OPLAH: variants seen among roughly 807,000 people sequenced by gnomAD.
OPLAH encodes the protein 5-oxoprolinase, ATP-hydrolysing.
OPLAH carries 103 observed loss-of-function variants against 122.8 expected under a neutral mutation model. That is an observed-to-expected ratio of 0.84 (90% CI 0.71 to 0.99). The LOEUF (loss-of-function observed/expected upper bound fraction) is 0.99. Ranked by LOEUF, OPLAH falls within the 50% of genes least tolerant of loss-of-function variation. OPLAH has a pLI of 0.00. For synonymous variants in OPLAH, 875 were observed against 796.0 expected, an observed-to-expected ratio of 1.10 and a Z score of -1.67; for missense variants, 1,902 against 1,836.5, an observed-to-expected ratio of 1.04 and a Z score of -0.65.
chr8:144,051,496 GAGGCGGGCTCAGTGC>G, intron 26 of OPLAH, 24 bp from the exon 27 acceptor site: 1 of 1,250,484 alleles, frequency 8.0e-7, no homozygotes, highest in Non-Finnish European at 1.1e-6. Flanking sequence ...GGGGGGCGGG[GAGGCGGGCTCAGTGC>G]AGGCGTGGCC....
rs2129795725 is a variant in OPLAH, at chr8:144,056,137, T to C, written c.2096+10A>G. On this transcript the variant is annotated intron_variant, in intron 15 of 26. Transcript: ENST00000618853. The stretch of plus-strand genomic sequence containing the variant: ...TCCACATCCTCCACCCTGGCCGGAC[T>C]TCAGCCCACCTGTTACTGTCGATGA... The C allele has an allele frequency of 1.2e-6, 2 of 1,600,336 alleles. No homozygotes were observed. Among genetic ancestry groups the C allele is most frequent in the Non-Finnish European group, 1.7e-6 (2 of 1,169,858 alleles).
In OPLAH at chr8:144,052,497, G is replaced by A; in HGVS notation, c.3255C>T (p.Arg1085=). The A allele has an allele frequency of 1.9e-6, 3 of 1,569,050 alleles. No individual in the cohort carries two copies. The highest frequency in any genetic ancestry group is 1.7e-6 in the Non-Finnish European group (2 of 1,164,244). Reference sequence around the variant, plus strand: ...AGGCCCCCAGGATGACATCCACCACGCGCTGCGACGTGAGCACGTTGCCGC... The same window carrying A: ...AGGCCCCCAGGATGACATCCACCACACGCTGCGACGTGAGCACGTTGCCGC... ...VVGGNVLTSQ[R]VVDVILGAFG... is the part of the protein sequence containing the mutation. The change falls in exon 23 of 27, where the codon CGC becomes CGT. Residue 1085 remains arginine (R), a synonymous_variant. Transcript: ENST00000618853.
Position 144,052,587 on chromosome 8 carries a change from C to T in OPLAH, c.3165G>A (p.Ala1055=), listed in dbSNP as rs28428956. Residue 1055 remains alanine (A), a synonymous_variant, in exon 23 of 27, where the codon GCG becomes GCA. Transcript: ENST00000618853. The part of the protein sequence containing the change: ...RDIPLNQGCL[A]PVRVVIPRGS... ...CTCGGGGAATGACCACGCGCACTGG[C>T]GCCAGGCAGCCCTGTGCGGGGCGGG... The T allele has an allele frequency of 0.017, 27,670 of 1,595,526 alleles. 1,888 individuals carry two copies. In the African/African-American group the frequency reaches 0.21, roughly 12 times the overall value.
At chr8:144,063,671 C>G (rs568659661), upstream of OPLAH, 1 of 152,656 alleles carries the variant, frequency 6.6e-6, no homozygotes, top group Admixed American at 6.5e-5. This position sits in a 1 kb window ranked among gnomAD's most constrained non-coding sequence, Gnocchi z 4.2. Context: ...CCCAACTCCA[C>G]AGAGTCTTGG....
intron 21 of OPLAH, 25 bp downstream of exon 21, chr8:144,052,958 T>C (rs1554758080): frequency 2.5e-6 from 4 of 1,585,554 alleles, no homozygotes; most frequent in Non-Finnish European, 3.4e-6. Context: ...CCCTGCCGCC[T>C]AGAGGCACTC....
intron 19 of OPLAH, among the ~76,000 whole-genome samples, chr8:144,054,063 AG>A (rs1835452036): frequency 7.2e-6 from 1 of 138,246 alleles, no homozygotes; most frequent in South Asian, 2.3e-4. Flanking sequence ...CCCAGCCTCC[AG>A]GCCACTCTCA....
chr8:144,052,340 C>G lies in OPLAH; in HGVS notation c.3304-14G>C, dbSNP rs1835401986. 2 of 1,513,724 alleles carry G rather than the reference C, an allele frequency of 1.3e-6. No individual in the cohort carries two copies. Among genetic ancestry groups the G allele is most frequent in the South Asian group, 1.2e-5 (1 of 81,328 alleles). 93.8% of individuals were successfully genotyped at this position (1,513,724 alleles called of 1,614,324 possible). On this transcript the variant is annotated splice_polypyrimidine_tract_variant and intron_variant, in intron 23 of 26. Coordinates refer to ENST00000618853, the MANE Select transcript of OPLAH (RefSeq NM_017570.5). ...GTTCATGCAGCCCTGGTGAGGGCAC[C>G]TGGTCGCTGCGCTGGGCTGGGGCAG...
In OPLAH at chr8:144,051,492, C is replaced by T. The variant is rs28433482; in HGVS notation, c.3721-20G>A. 1.7e-5 allele frequency: 7 copies of T among 414,502 alleles called. No homozygotes were observed. The highest frequency in any genetic ancestry group is 9.1e-5 in the African/African-American group (2 of 22,014). The allele number at this position is 414,502 out of a possible 1,614,324, so 25.7% of individuals were successfully genotyped here. On this transcript the variant is annotated intron_variant, in intron 26 of 26. Coordinates refer to ENST00000618853, the MANE Select transcript of OPLAH (RefSeq NM_017570.5). ...CACATCCTGTTGGCGCGGGGGGGGGCGGGGAGGCGGGCTCAGTGCAGGCGT... is the reference window on the plus strand; with the variant it reads ...CACATCCTGTTGGCGCGGGGGGGGGTGGGGAGGCGGGCTCAGTGCAGGCGT...
At position 144,055,945 on chromosome 8, in the gene OPLAH, G is replaced by A; in HGVS notation, c.2097-6C>T. 3 of 1,572,056 alleles carry A rather than the reference G, an allele frequency of 1.9e-6. No individual in the cohort carries two copies. The highest frequency in any genetic ancestry group is 1.2e-5 in the South Asian group (1 of 85,990). ...CTGGCTCCACCAGGATGGTGCTGGG[G>A]AGCAGAGGGCACAGAGGGCTGCATG... On this transcript the variant is annotated splice_region_variant and splice_polypyrimidine_tract_variant and intron_variant, in intron 15 of 26. Transcript: ENST00000618853. This position sits in a 1 kb window ranked among gnomAD's most constrained non-coding sequence, Gnocchi z 6.5.
In OPLAH at chr8:144,055,023, G is replaced by A. The variant is rs1257255472; in HGVS notation, c.2409+6C>T. ...GGATGGAAGGGTGAGGCGGGGGAAG[G>A]GCCACCTGGAACTGCACCGTCTCCT... On this transcript the variant is annotated splice_donor_region_variant and intron_variant, in intron 17 of 26. Coordinates refer to ENST00000618853, the MANE Select transcript of OPLAH (RefSeq NM_017570.5). The surrounding 1 kb of genome is among the most constrained non-coding windows in gnomAD (Gnocchi z 6.5). 4.1e-6 allele frequency: 6 copies of A among 1,480,966 alleles called. No homozygotes were observed. Among genetic ancestry groups the A allele is most frequent in the Non-Finnish European group, 5.4e-6 (6 of 1,107,918 alleles). 91.7% of individuals were successfully genotyped at this position (1,480,966 alleles called of 1,614,324 possible). A position where few individuals can be genotyped will look rare whatever the true frequency, so the allele number is the denominator to read the frequency against.
rs782278822 is a variant in OPLAH at position 144,055,109 on chromosome 8, C to A, written c.2329G>T (p.Gly777Trp). 2.5e-6 allele frequency: 4 copies of A among 1,585,636 alleles called. No homozygotes were observed. Among genetic ancestry groups the A allele is most frequent in the Non-Finnish European group, 3.4e-6 (4 of 1,166,440 alleles). Residue 777 changes from glycine to tryptophan, a missense_variant, in exon 17 of 27, where the codon GGG becomes TGG. This residue lies in a region of OPLAH where 1,726 missense variants were observed against 1,642.1 expected (regional missense o/e 1.05). Transcript: ENST00000618853. This position sits in a 1 kb window ranked among gnomAD's most constrained non-coding sequence, Gnocchi z 6.5. Reference sequence around the variant, plus strand: ...TTGGACACCAGCCCCCCATCGGGCCCAAAGAGGGCACAGGAGAAGTCCAGA... The same window carrying A: ...TTGGACACCAGCCCCCCATCGGGCCAAAAGAGGGCACAGGAGAAGTCCAGA... ...ERLDFSCALFGPDGGLVSNAP... is the reference protein window; with the variant it reads ...ERLDFSCALFWPDGGLVSNAP...
chr8:144,052,691 C>A, intron 22 of OPLAH, 75 bp downstream of exon 22: 1 of 1,538,168 alleles, frequency 6.5e-7, no homozygotes, highest in Non-Finnish European at 8.8e-7. Context: ...GGGGTCAGAC[C>A]GTGGCTGGGC....
chr8:144,051,257 A>T (rs530936226), downstream of OPLAH: 4 of 1,595,926 alleles, frequency 2.5e-6, no homozygotes, highest in South Asian at 3.4e-5. Flanking sequence ...CACGACTCGG[A>T]GCACGAACTA....
Position 144,052,469 on chromosome 8 carries a change from CA to C in OPLAH, c.3282del (p.Phe1094LeufsTer11). The C allele has an allele frequency of 6.5e-7, 1 of 1,547,374 alleles. No homozygotes were observed. The highest frequency in any genetic ancestry group is 2.4e-5 in the East Asian group (1 of 41,658). ...CGCACCTGGGAGGCGGCGCAGGCCCCAAAGGCCCCCAGGATGACATCCACCA... is the reference window on the plus strand; with the variant it reads ...CGCACCTGGGAGGCGGCGCAGGCCCCAAGGCCCCCAGGATGACATCCACCA... The part of the protein sequence containing the change: ...QRVVDVILGA[F>X]GACAASQGCM... On this transcript the variant is annotated frameshift_variant, in exon 23 of 27. Coordinates refer to ENST00000618853, the MANE Select transcript of OPLAH (RefSeq NM_017570.5). LOFTEE classifies it high-confidence loss of function.
intron 19 of OPLAH, 95 bp downstream of exon 19, chr8:144,054,466 A>C (rs1287214985): frequency 7.5e-7 from 1 of 1,333,220 alleles, no homozygotes; most frequent in Non-Finnish European, 1.0e-6. Flanking sequence ...GCCTGGGCCT[A>C]TGGGCTGCAT....
In OPLAH at chr8:144,056,227, C is replaced by T; in HGVS notation, c.2016G>A (p.Gln672=). ...MTQCYFEGGY[Q]ETPVYLLAEL... ...CTGCCAGCAGGTACACAGGGGTCTCCTGGTAGCCCCCCTCAAAGTAGCACT... is the reference window on the plus strand; with the variant it reads ...CTGCCAGCAGGTACACAGGGGTCTCTTGGTAGCCCCCCTCAAAGTAGCACT... The change falls in exon 15 of 27, where the codon CAG becomes CAA. Residue 672 remains glutamine, a synonymous_variant. Coordinates refer to ENST00000618853, the MANE Select transcript of OPLAH (RefSeq NM_017570.5). The T allele has an allele frequency of 1.2e-6, 2 of 1,612,010 alleles. No homozygotes were observed. The highest frequency in any genetic ancestry group is 4.5e-5 in the East Asian group (2 of 44,842).
rs377531260 is a variant in OPLAH at position 144,059,649 on chromosome 8, G to A, written c.313C>T (p.Arg105Ter). The change falls in exon 3 of 27, where the codon CGA (arginine) becomes TGA (stop). Residue 105 changes from arginine (R) to a stop codon, truncating the protein, a stop_gained. Transcript: ENST00000618853. LOFTEE classifies it high-confidence loss of function. ...RVALLVTRGF[R>*]DLLHIGTQAR... is the part of the protein sequence containing the mutation. ...TGGGTGCCAATGTGCAGCAGGTCTC[G>A]GAAGCCACGTGTCACCAGCAGCGCC... 1.2e-5 allele frequency: 19 copies of A among 1,612,206 alleles called. No individual in the cohort carries two copies. Among genetic ancestry groups the A allele is most frequent in the South Asian group, 7.7e-5 (7 of 91,054 alleles).
chr8:144,063,241 C>T (rs1554761191), upstream of OPLAH, among the ~76,000 whole-genome samples: 2 of 152,202 alleles, frequency 1.3e-5, no homozygotes, highest in South Asian at 2.1e-4. The surrounding 1 kb of genome is among the most constrained non-coding windows in gnomAD (Gnocchi z 4.2). Flanking sequence ...CCCCACCCAG[C>T]GAGCTGCCCC....
chr8:144,062,330 G>A (rs2129870778), upstream of OPLAH, among the ~76,000 whole-genome samples: 2 of 152,188 alleles, frequency 1.3e-5, no homozygotes, highest in Middle Eastern at 6.8e-3. Context: ...CCTGTAAGTG[G>A]CACGTGCCTG....
Sources: gnomAD v4.1 joint callset for allele counts (sites outside exome capture counted in the v4.1 genomes callset) on GRCh38, gnomAD v4.1.1 for gene constraint, gnomAD v4.1.1 regional missense constraint, Gnocchi (gnomAD v3.1) non-coding constraint, MANE v1.5 for transcripts, NCBI Gene and HGNC (gene_info 2026-07-23, HGNC 2026-07-21) for gene names.